Variants in SYNE1 observed in about 807,000 individuals in gnomAD.
SYNE1 encodes nesprin-1.
A neutral mutation model predicts 1,111.0 loss-of-function variants in SYNE1; 616 were observed. That is an observed-to-expected ratio of 0.55 (90% CI 0.52 to 0.59). The LOEUF (loss-of-function observed/expected upper bound fraction) is 0.59. SYNE1 is among the 20% of genes least tolerant of loss of function. SYNE1 has a pLI of 0.00. For synonymous variants in SYNE1, 3,855 were observed against 3,825.8 expected (o/e 1.01, Z -0.28); for missense variants, 10,006 against 10,417.0 (o/e 0.96, Z 1.72).
chr6:152,561,663 T>A (rs918749709), intron 3 of SYNE1, among the ~76,000 whole-genome samples: 4 of 152,126 alleles, frequency 2.6e-5, no homozygotes, highest in African/African-American at 4.8e-5. Context: ...GATTTTAAAT[T>A]ATATTATATA....
intron 95 of SYNE1, among the ~76,000 whole-genome samples, chr6:152,292,123 G>C (rs9479286): frequency 6.6e-6 from 1 of 152,248 alleles, no homozygotes; most frequent in East Asian, 1.9e-4. Context: ...GTGGCCGCTG[G>C]CAACAGAAAA....
At position 152,465,558 on chromosome 6, in the gene SYNE1, A is replaced by G. The variant is rs2098759591; in HGVS notation, c.1730-98T>C. ...TATACATTGGTGTGCAATAGTATCC[A>G]TCACAAATGCCAGAGTTCATTTCCA... On this transcript the variant is annotated intron_variant, in intron 17 of 145. Transcript: ENST00000367255. 9 of 1,076,204 alleles carry G rather than the reference A, an allele frequency of 8.4e-6. No homozygotes were observed. The Admixed American group carries it at 1.6e-4, about 19-fold the overall frequency. The allele number at this position is 1,076,204 out of a possible 1,614,324, so 66.7% of individuals were successfully genotyped here.
chr6:152,343,079 C>T lies in SYNE1; in HGVS notation c.12225+1002G>A, dbSNP rs1425169458. Among the ~76,000 whole-genome samples, 5 of 152,040 alleles carry T rather than the reference C, an allele frequency of 3.3e-5. No individual in the cohort carries two copies. The East Asian group carries it at 9.6e-4, about 29-fold the overall frequency. On this transcript the variant is annotated intron_variant, in intron 74 of 145. Transcript: ENST00000367255. ...GGCTTGGAGAAATTAAGCGACTTAC[C>T]CATGGTCCCCCAACAGAATAAATAT... is the stretch of plus-strand genomic sequence containing the variant.
At chr6:152,425,908 G>A (rs1455642725) in intron 38 of SYNE1, among the ~76,000 whole-genome samples, 1 of 152,222 alleles carries the variant, frequency 6.6e-6, no homozygotes, top group East Asian at 1.9e-4. Context: ...AAGAGACTGA[G>A]TAGGCAAAGA....
intron 3 of SYNE1, among the ~76,000 whole-genome samples, chr6:152,589,154 A>AT (rs1250180558): frequency 9.9e-5 from 15 of 151,998 alleles, no homozygotes; most frequent in African/African-American, 3.4e-4. Flanking sequence ...TAATCCACTC[A>AT]TTTTGGGCTC....
rs748584976 is a variant in SYNE1, at chr6:152,461,599, T to G, written c.2392A>C (p.Lys798Gln). The change falls in exon 21 of 146, where the codon AAG (lysine) becomes CAG (glutamine). Residue 798 changes from lysine (K) to glutamine (Q), a missense_variant and splice_region_variant. By Grantham distance (53) the Lys-to-Gln change is moderately conservative. This residue lies in a region of SYNE1 where 1,971 missense variants were observed against 2,084.1 expected (regional missense o/e 0.95). Transcript: ENST00000367255. ...TMSKLKEQLT[K>Q]VKECYSPLLY... is the part of the protein sequence containing the mutation. Reference sequence around the variant, plus strand: ...TGTGCATTAAATTATTTTCGCACCTTGGTTAGCTGCTCTTTGAGCTTTGAC... The same window carrying G: ...TGTGCATTAAATTATTTTCGCACCTGGGTTAGCTGCTCTTTGAGCTTTGAC... The G allele has an allele frequency of 9.3e-6, 15 of 1,614,020 alleles. No individual in the cohort carries two copies. In the South Asian group the frequency reaches 1.4e-4, roughly 15 times the overall value.
chr6:152,195,182 G>T (rs546475772), intron 127 of SYNE1, among the ~76,000 whole-genome samples: 2 of 152,202 alleles, frequency 1.3e-5, no homozygotes, highest in South Asian at 2.1e-4. Flanking sequence ...CAGCCTCCCA[G>T]AATTCTGGGA....
chr6:152,252,195 A>G (rs1035789655), intron 104 of SYNE1, among the ~76,000 whole-genome samples: 1 of 151,984 alleles, frequency 6.6e-6, no homozygotes, highest in Admixed American at 6.6e-5. Context: ...TTGTTTGAAC[A>G]CGGGAGGCAG....
chr6:152,480,813 G>A, intron 14 of SYNE1: 1 of 455,492 alleles, frequency 2.2e-6, no homozygotes, highest in Non-Finnish European at 4.4e-6. Context: ...GTTTTTGTTT[G>A]TTTGTTTGCC....
At position 152,359,419 on chromosome 6, in the gene SYNE1, C is replaced by T. The variant is rs1193855232; in HGVS notation, c.10339G>A (p.Glu3447Lys). The T allele has an allele frequency of 6.2e-7, 1 of 1,614,178 alleles. No individual in the cohort carries two copies. Among genetic ancestry groups the T allele is most frequent in the Non-Finnish European group, 8.5e-7 (1 of 1,180,038 alleles). Residue 3447 changes from glutamate (E) to lysine (K), a missense_variant, in exon 65 of 146, where the codon GAG becomes AAG. Coordinates refer to ENST00000367255, the MANE Select transcript of SYNE1 (RefSeq NM_182961.4). ...CCAGCCCCTTTGACTTCGATGGTCTCCAGCAAGCTGCTGTAACTCAGCACT... is the reference window on the plus strand; with the variant it reads ...CCAGCCCCTTTGACTTCGATGGTCTTCAGCAAGCTGCTGTAACTCAGCACT... ...EEVLSYSSLL[E>K]TIEVKGAGMT...
intron 3 of SYNE1, among the ~76,000 whole-genome samples, chr6:152,594,831 C>A (rs2099576430): frequency 6.6e-6 from 1 of 152,164 alleles, no homozygotes; most frequent in African/African-American, 2.4e-5. Flanking sequence ...AGAAAACATT[C>A]TTATCAATTC....
intron 91 of SYNE1, 121 bp downstream of exon 91, chr6:152,308,368 A>C: frequency 7.8e-6 from 11 of 1,415,004 alleles, no homozygotes; most frequent in Non-Finnish European, 1.1e-5. Context: ...AGGCCTCTCA[A>C]GAGTTGAACA....
intron 3 of SYNE1, among the ~76,000 whole-genome samples, chr6:152,600,952 C>A (rs1044786585): frequency 1.3e-5 from 2 of 152,212 alleles, no homozygotes; most frequent in Non-Finnish European, 2.9e-5. Flanking sequence ...ACAGTTTCAT[C>A]TTTTCTAGAT....
At chr6:152,438,201 T>A (rs1004931893) in intron 32 of SYNE1, among the ~76,000 whole-genome samples, 9 of 152,232 alleles carry the variant, frequency 5.9e-5, no homozygotes, top group Non-Finnish European at 7.3e-5. Flanking sequence ...CTGACAGTCA[T>A]GGTAGATTCA....
intron 42 of SYNE1, 87 bp downstream of exon 42, chr6:152,413,265 G>T: frequency 7.4e-7 from 1 of 1,349,122 alleles, no homozygotes; most frequent in Non-Finnish European, 1.1e-6. Flanking sequence ...TTTAACTACT[G>T]ATCACATCAA....
At chr6:152,493,606 A>T (rs2098983564) in intron 11 of SYNE1, among the ~76,000 whole-genome samples, 1 of 152,062 alleles carries the variant, frequency 6.6e-6, no homozygotes, top group African/African-American at 2.4e-5. Flanking sequence ...AGATCTTCCC[A>T]ACAGGACATC....
At chr6:152,455,013 T>C (rs2098685874) in intron 24 of SYNE1, among the ~76,000 whole-genome samples, 1 of 152,164 alleles carries the variant, frequency 6.6e-6, no homozygotes, top group Admixed American at 6.5e-5. Context: ...ACAAGTTGTG[T>C]ATCAGCCACC....
At chr6:152,240,519 A>G (rs2085364583) in intron 107 of SYNE1, among the ~76,000 whole-genome samples, 1 of 152,220 alleles carries the variant, frequency 6.6e-6, no homozygotes, top group African/African-American at 2.4e-5. Context: ...TTGAAATGTT[A>G]CCGTTTGTGT....
intron 21 of SYNE1, among the ~76,000 whole-genome samples, chr6:152,460,312 T>A (rs1450798240): frequency 6.6e-6 from 1 of 152,200 alleles, no homozygotes. Flanking sequence ...AAATTATAAA[T>A]AATTCTAACT....
Sources: allele counts gnomAD v4.1 joint callset (sites outside exome capture counted in the v4.1 genomes callset), GRCh38; gene constraint gnomAD v4.1.1; regional missense constraint gnomAD v4.1.1; transcripts MANE v1.5; gene names NCBI Gene and HGNC (gene_info 2026-07-23, HGNC 2026-07-21).